The following LRBA variants were observed in gnomAD, a reference collection of about 807,000 sequenced individuals.
The protein encoded by LRBA is lipopolysaccharide-responsive and beige-like anchor protein.
A neutral mutation model predicts 330.0 loss-of-function variants in LRBA; 176 were observed. The ratio of observed to expected loss-of-function variants is 0.53; its 90% CI spans 0.47 to 0.60. The LOEUF is 0.60. Ranked by LOEUF, LRBA falls within the 20% of genes least tolerant of loss-of-function variation. The pLI is 0.00. For synonymous variants in LRBA, 1,230 were observed against 1,193.0 expected, an observed-to-expected ratio of 1.03 and a Z score of -0.64; for missense variants, 3,259 against 3,444.8, an observed-to-expected ratio of 0.95 and a Z score of 1.35.
intron 2 of LRBA, among the ~76,000 whole-genome samples, chr4:151,008,837 C>T (rs1266244673): frequency 6.7e-6 from 1 of 150,272 alleles, no homozygotes. Flanking sequence ...GCCGGGCTTG[C>T]TGGTGCATCC....
chr4:150,743,533 T>C (rs781469926), intron 35 of LRBA, among the ~76,000 whole-genome samples: 4 of 152,216 alleles, frequency 2.6e-5, no homozygotes, highest in Non-Finnish European at 5.9e-5. Context: ...ATACACTTTC[T>C]TTTAATTGCC....
intron 54 of LRBA, among the ~76,000 whole-genome samples, chr4:150,284,935 TG>T (rs1747963050): frequency 2.0e-5 from 3 of 152,316 alleles, no homozygotes; most frequent in African/African-American, 7.2e-5. Context: ...TCCATACTAC[TG>T]TGCAAAGAAA....
rs1278946163 is a variant in LRBA at position 150,852,457 on chromosome 4, G to A, written c.3253C>T (p.Pro1085Ser). Reference sequence around the variant, plus strand: ...ATCTCTGAGGCATCCTCTTCTGAAGGAGAACTTATAGAAGCAGTTACTTCA... The same window carrying A: ...ATCTCTGAGGCATCCTCTTCTGAAGAAGAACTTATAGAAGCAGTTACTTCA... ...VSEVTASISSPSEEDASEMPE... is the reference protein window; with the variant it reads ...VSEVTASISSSSEEDASEMPE... The change falls in exon 23 of 57, where the codon CCT (proline) becomes TCT (serine). Residue 1085 changes from proline to serine, a missense_variant. Coordinates refer to ENST00000651943, the MANE Select transcript of LRBA (RefSeq NM_001364905.1). The A allele has an allele frequency of 6.2e-7, 1 of 1,613,392 alleles. No individual in the cohort carries two copies. The highest frequency in any genetic ancestry group is 1.3e-5 in the African/African-American group (1 of 74,904).
chr4:150,669,588 T>C (rs1781866939), intron 37 of LRBA, among the ~76,000 whole-genome samples: 2 of 152,034 alleles, frequency 1.3e-5, no homozygotes, highest in African/African-American at 4.8e-5. Flanking sequence ...CTTTTTTTTT[T>C]TCCCTCTGGC....
At chr4:150,287,365 A>G (rs184206830) in intron 53 of LRBA, among the ~76,000 whole-genome samples, 4 of 152,356 alleles carry the variant, frequency 2.6e-5, no homozygotes, top group Admixed American at 6.5e-5. Context: ...TGCAAAATGT[A>G]TCTACATGCC....
intron 54 of LRBA, among the ~76,000 whole-genome samples, chr4:150,284,818 G>T (rs949803637): frequency 6.6e-6 from 1 of 152,094 alleles, no homozygotes; most frequent in Non-Finnish European, 1.5e-5. Flanking sequence ...GAGCCACCAT[G>T]CCCAGCCTGA....
At chr4:150,917,819 C>T (rs1732805728) in intron 5 of LRBA, among the ~76,000 whole-genome samples, 1 of 151,890 alleles carries the variant, frequency 6.6e-6, no homozygotes, top group African/African-American at 2.4e-5. Context: ...ATCCCAGCTA[C>T]TCAGGAGGGT....
At chr4:150,798,622 G>A (rs1241897364) in intron 33 of LRBA, among the ~76,000 whole-genome samples, 2 of 152,020 alleles carry the variant, frequency 1.3e-5, no homozygotes, top group African/African-American at 4.8e-5. Context: ...CTTGACCTCT[G>A]ACCTCACACT....
rs1355816971 is a variant in LRBA, at chr4:151,013,008, G to C, written c.216+1419C>G. On this transcript the variant is annotated intron_variant, in intron 2 of 56. Transcript: ENST00000651943. ...TCAAACTCCTAACCTCAAGTGATGT[G>C]CCCGCCTCGGCTTCCTGAGGTGCTG... 7 of 152,014 alleles carry C rather than the reference G, an allele frequency of 4.6e-5. No individual in the cohort carries two copies. The East Asian group carries it at 9.6e-4, about 21-fold the overall frequency. The allele number at this position is 152,014 out of a possible 1,614,324, so 9.4% of individuals were successfully genotyped here. A position where few individuals can be genotyped will look rare whatever the true frequency, so the allele number is the denominator to read the frequency against.
At chr4:150,559,684 T>TA (rs1177307739) in intron 40 of LRBA, among the ~76,000 whole-genome samples, 11,723 of 87,518 alleles carry the variant, frequency 0.13, 793 homozygotes, top group Middle Eastern at 0.16. Context: ...ATATAATATA[T>TA]TATATTATAT....
At chr4:150,638,654 T>C (rs909183902) in intron 37 of LRBA, among the ~76,000 whole-genome samples, 37 of 149,400 alleles carry the variant, frequency 2.5e-4, no homozygotes, top group Middle Eastern at 3.4e-3. Context: ...CACAATGAGA[T>C]ACCATCTCAC....
intron 28 of LRBA, among the ~76,000 whole-genome samples, chr4:150,838,718 C>T (rs1322174752): frequency 2.6e-5 from 4 of 152,168 alleles, no homozygotes; most frequent in Non-Finnish European, 5.9e-5. Flanking sequence ...GTTTTCATAG[C>T]TTCTTTTGGA....
Position 150,467,665 on chromosome 4 carries a change from G to C in LRBA, c.6780+8C>G, listed in dbSNP as rs183029096. On this transcript the variant is annotated splice_region_variant and intron_variant, in intron 44 of 56. Coordinates refer to ENST00000651943, the MANE Select transcript of LRBA (RefSeq NM_001364905.1). ...CAATTATATTTCACATCATTACTGA[G>C]AAATTACCTTGGACAAATCTCTGAA... 7 of 1,476,608 alleles carry C rather than the reference G, an allele frequency of 4.7e-6. No homozygotes were observed. The highest frequency in any genetic ancestry group is 6.6e-6 in the Non-Finnish European group (7 of 1,062,676). The allele number at this position is 1,476,608 out of a possible 1,614,324, so 91.5% of individuals were successfully genotyped here. A position where few individuals can be genotyped will look rare whatever the true frequency, so the allele number is the denominator to read the frequency against.
chr4:150,848,768 T>G, intron 26 of LRBA, 50 bp downstream of exon 26: 2 of 1,412,570 alleles, frequency 1.4e-6, no homozygotes, highest in South Asian at 2.7e-5. Flanking sequence ...CATCTCTGAA[T>G]TACTGAAAAA....
intron 50 of LRBA, 126 bp from the exon 51 acceptor site, chr4:150,315,749 A>G: frequency 1.6e-6 from 1 of 637,456 alleles, no homozygotes; most frequent in Non-Finnish European, 2.6e-6. Context: ...AGTTTTGTGA[A>G]ATTTAAAGAA....
chr4:150,468,018 C>T (rs1012333465), intron 43 of LRBA, among the ~76,000 whole-genome samples: 3 of 151,990 alleles, frequency 2.0e-5, no homozygotes, highest in Admixed American at 2.0e-4. Context: ...CCCCAAATCA[C>T]ACAACTAGTA....
chr4:150,731,439 C>T (rs993415676), intron 36 of LRBA, among the ~76,000 whole-genome samples: 11 of 152,164 alleles, frequency 7.2e-5, no homozygotes, highest in African/African-American at 2.7e-4. Context: ...TACTTACACA[C>T]AATGGAGTAC....
chr4:150,712,389 A>G (rs1019658618), intron 36 of LRBA, among the ~76,000 whole-genome samples: 2 of 152,212 alleles, frequency 1.3e-5, no homozygotes, highest in East Asian at 1.9e-4. Flanking sequence ...GTTCTAAGAT[A>G]GTCCAGATAC....
intron 28 of LRBA, among the ~76,000 whole-genome samples, chr4:150,833,685 A>C (rs1453212583): frequency 6.6e-6 from 1 of 152,176 alleles, no homozygotes; most frequent in Non-Finnish European, 1.5e-5. Flanking sequence ...TGCTAGTGGA[A>C]GGTTGCATCT....
Sources: allele counts gnomAD v4.1 joint callset (sites outside exome capture counted in the v4.1 genomes callset), GRCh38; gene constraint gnomAD v4.1.1; transcripts MANE v1.5; gene names NCBI Gene and HGNC (gene_info 2026-07-23, HGNC 2026-07-21).